The following UNC5D variants were observed in gnomAD, a reference collection of about 807,000 sequenced individuals.
UNC5D encodes the protein unc-5 netrin receptor D.
A neutral mutation model predicts 105.4 loss-of-function variants in UNC5D; 39 were observed. The ratio of observed to expected loss-of-function variants is 0.37; its 90% CI spans 0.29 to 0.48. The LOEUF (loss-of-function observed/expected upper bound fraction) is 0.48. Among genes scored for constraint, UNC5D ranks in the 20% least tolerant of loss-of-function variants. UNC5D has a pLI of 0.98. For missense variants in UNC5D, 991 were observed against 1,202.4 expected (o/e 0.82, Z 2.60); for synonymous variants, 452 against 450.4 (o/e 1.00, Z -0.04).
intron 3 of UNC5D, among the ~76,000 whole-genome samples, chr8:35,572,956 A>G (rs1026350133): frequency 2.6e-5 from 4 of 151,954 alleles, no homozygotes; most frequent in Admixed American, 2.6e-4. Flanking sequence ...GGCGCCCGCC[A>G]CCACGCCCGG....
chr8:35,342,079 T>G (rs559005016), intron 1 of UNC5D, among the ~76,000 whole-genome samples: 54 of 152,210 alleles, frequency 3.5e-4, no homozygotes, highest in Non-Finnish European at 2.1e-4. Context: ...TGCATTTAAG[T>G]AATTTCTCCC....
chr8:35,721,035 A>C (rs1586526004), intron 8 of UNC5D, among the ~76,000 whole-genome samples: 1 of 152,290 alleles, frequency 6.6e-6, no homozygotes, highest in Admixed American at 6.5e-5. Flanking sequence ...TAACATAAGT[A>C]CCATATTAGG....
chr8:35,517,142 A>G (rs1373081600), intron 1 of UNC5D, among the ~76,000 whole-genome samples: 1 of 152,112 alleles, frequency 6.6e-6, no homozygotes, highest in Admixed American at 6.5e-5. Flanking sequence ...ATCCTTTCCA[A>G]GATCCTCCCT....
chr8:35,605,942 TA>T (rs970235678), intron 4 of UNC5D, among the ~76,000 whole-genome samples: 4 of 152,086 alleles, frequency 2.6e-5, no homozygotes, highest in African/African-American at 9.7e-5. Context: ...AAGTACTACA[TA>T]AAGTTCTCCT....
chr8:35,549,952 CTTT>C (rs5890821), intron 2 of UNC5D, among the ~76,000 whole-genome samples: 9 of 125,556 alleles, frequency 7.2e-5, no homozygotes, highest in Non-Finnish European at 8.3e-5. Flanking sequence ...TTTCTGAGTC[CTTT>C]TTTTTTTTTT....
intron 1 of UNC5D, among the ~76,000 whole-genome samples, chr8:35,519,539 A>G (rs2130436577): frequency 6.6e-6 from 1 of 152,240 alleles, no homozygotes; most frequent in African/African-American, 2.4e-5. Flanking sequence ...TAGTAGAATG[A>G]TTAAGAGCAC....
chr8:35,773,099 G>T (rs1802083271), intron 15 of UNC5D, among the ~76,000 whole-genome samples: 1 of 152,016 alleles, frequency 6.6e-6, no homozygotes, highest in African/African-American at 2.4e-5. Flanking sequence ...ATTGATTAGG[G>T]ACATTAATTA....
In UNC5D at chr8:35,559,071, C is replaced by T. The variant is rs187255155; in HGVS notation, c.323-9027C>T. Among the ~76,000 whole-genome samples, 202 of 152,194 alleles carry T rather than the reference C, an allele frequency of 1.3e-3. 1 individual carries two copies. The highest frequency in any genetic ancestry group is 4.6e-3 in the African/African-American group (192 of 41,524). On this transcript the variant is annotated intron_variant, in intron 2 of 16. Transcript: ENST00000404895. ...GAACTGACCAAGGCCCAGCATTACT[C>T]ATGAAGTTGTACTGGAGTAATTCTT...
In UNC5D at chr8:35,511,730, T is replaced by TAA. The variant is rs931275368; in HGVS notation, c.104-37553_104-37552dup. 2.0e-4 allele frequency among the ~76,000 whole-genome samples: 26 copies of TAA among 129,870 alleles called. 1 individual carries two copies. The highest frequency in any genetic ancestry group is 7.5e-4 in the South Asian group (3 of 4,002). The allele number at this position is 129,870 out of a possible 152,430, so 85.2% of individuals were successfully genotyped here. On this transcript the variant is annotated intron_variant, in intron 1 of 16. Coordinates refer to ENST00000404895, the MANE Select transcript of UNC5D (RefSeq NM_080872.4). ...AATAGATTAACAATAGCTGATGAGC[T>TAA]AAAAAAAAAATTAAAAAAAAAAACC...
chr8:35,576,099 C>T (rs578071172), intron 3 of UNC5D, among the ~76,000 whole-genome samples: 1 of 152,116 alleles, frequency 6.6e-6, no homozygotes, highest in Non-Finnish European at 1.5e-5. Context: ...GTCCTGTGTA[C>T]ATAATTTGCA....
chr8:35,520,572 TC>T (rs1813395327), intron 1 of UNC5D, among the ~76,000 whole-genome samples: 1 of 152,134 alleles, frequency 6.6e-6, no homozygotes, highest in Non-Finnish European at 1.5e-5. Context: ...GGGTTATATA[TC>T]AGATGTTTTT....
chr8:35,237,698 T>C (rs562818897), intron 1 of UNC5D, among the ~76,000 whole-genome samples: 5 of 152,274 alleles, frequency 3.3e-5, no homozygotes, highest in African/African-American at 1.2e-4. Context: ...GCACAGATCA[T>C]AGTAATATGC....
intron 1 of UNC5D, among the ~76,000 whole-genome samples, chr8:35,436,766 A>G (rs1040416703): frequency 6.6e-6 from 1 of 152,086 alleles, no homozygotes; most frequent in African/African-American, 2.4e-5. Flanking sequence ...AATGATGACT[A>G]CTGAGATTCA....
Position 35,575,673 on chromosome 8 carries a change from T to G in UNC5D, c.466+7432T>G, listed in dbSNP as rs77054317. On this transcript the variant is annotated intron_variant, in intron 3 of 16. Transcript: ENST00000404895. The stretch of plus-strand genomic sequence containing the variant: ...TAAGACCGATGCTCAACACTTGGTA[T>G]AAATCATACAAAAGCTTGAAACTCT... Among the ~76,000 whole-genome samples, 53 of 152,240 alleles carry G rather than the reference T, an allele frequency of 3.5e-4. No individual in the cohort carries two copies. The East Asian group carries it at 0.01, about 29-fold the overall frequency.
intron 1 of UNC5D, among the ~76,000 whole-genome samples, chr8:35,402,283 C>T (rs747361055): frequency 6.6e-6 from 1 of 152,104 alleles, no homozygotes; most frequent in Non-Finnish European, 1.5e-5. Context: ...CACAGTTCAA[C>T]GTGGCTGGGG....
chr8:35,405,164 G>A (rs1232061397), intron 1 of UNC5D, among the ~76,000 whole-genome samples: 2 of 152,068 alleles, frequency 1.3e-5, no homozygotes, highest in Admixed American at 6.5e-5. Flanking sequence ...TTTCATACCA[G>A]CAGCATTCCA....
chr8:35,670,239 A>G (rs144621554), intron 4 of UNC5D, among the ~76,000 whole-genome samples: 400 of 152,250 alleles, frequency 2.6e-3, no homozygotes, highest in Middle Eastern at 0.014. Flanking sequence ...ATCCTTAATG[A>G]CCTTAGCAAG....
chr8:35,533,139 C>T lies in UNC5D; in HGVS notation c.104-16153C>T, dbSNP rs28842596. On this transcript the variant is annotated intron_variant, in intron 1 of 16. Transcript: ENST00000404895. The stretch of plus-strand genomic sequence containing the variant: ...AGAGGCGCTCTGCATTTTAGAGTTT[C>T]CAGTTTTTCTGTTCTGTTTTTTCCC... Among the ~76,000 whole-genome samples, 592 of 152,108 alleles carry T rather than the reference C, an allele frequency of 3.9e-3. 4 individuals carry two copies. Among genetic ancestry groups the T allele is most frequent in the Middle Eastern group, 6.8e-3 (2 of 294 alleles).
intron 1 of UNC5D, among the ~76,000 whole-genome samples, chr8:35,497,537 A>T (rs1386247343): frequency 6.6e-6 from 1 of 152,190 alleles, no homozygotes; most frequent in Non-Finnish European, 1.5e-5. Flanking sequence ...GGTTGGCAAC[A>T]GCAAGGGAGA....
Sources: allele counts gnomAD v4.1 joint callset (sites outside exome capture counted in the v4.1 genomes callset), GRCh38; gene constraint gnomAD v4.1.1; transcripts MANE v1.5; gene names NCBI Gene and HGNC (gene_info 2026-07-23, HGNC 2026-07-21).